Variants in PTPRF observed in about 807,000 individuals in gnomAD.
PTPRF encodes the protein receptor-type tyrosine-protein phosphatase F.
PTPRF carries 59 observed loss-of-function variants against 201.8 expected under a neutral mutation model. The ratio of observed to expected loss-of-function variants is 0.29; its 90% CI spans 0.24 to 0.36. The LOEUF is 0.36. Among genes scored for constraint, PTPRF ranks in the 10% least tolerant of loss-of-function variants. The pLI is 1.00. For synonymous variants in PTPRF, 1,088 were observed against 1,089.7 expected (o/e 1.00, Z 0.03); for missense variants, 2,132 against 2,690.5 (o/e 0.79, Z 4.59).
At chr1:43,612,451 A>T (rs1268388049) in intron 22 of PTPRF, among the ~76,000 whole-genome samples, 1 of 152,190 alleles carries the variant, frequency 6.6e-6, no homozygotes, top group Non-Finnish European at 1.5e-5. Flanking sequence ...TTTTGGTATC[A>T]AAAGGGGCAG....
At chr1:43,612,577 A>T (rs906859314) in intron 22 of PTPRF, among the ~76,000 whole-genome samples, 1 of 152,174 alleles carries the variant, frequency 6.6e-6, no homozygotes, top group Non-Finnish European at 1.5e-5. Flanking sequence ...ACTGGGAGAC[A>T]GAAGGAGCCT....
chr1:43,538,751 C>T (rs137972069), intron 2 of PTPRF, among the ~76,000 whole-genome samples: 5 of 152,248 alleles, frequency 3.3e-5, no homozygotes, highest in East Asian at 1.9e-4. Flanking sequence ...TGTAGGTTGT[C>T]GTAGAAAGAG....
intron 1 of PTPRF, among the ~76,000 whole-genome samples, chr1:43,533,245 T>C (rs1379411986): frequency 6.6e-6 from 1 of 152,158 alleles, no homozygotes; most frequent in Non-Finnish European, 1.5e-5. Flanking sequence ...TCCAGCTTTG[T>C]GTGCCCTGGG....
At chr1:43,580,057 C>G (rs991301749) in intron 7 of PTPRF, 2 of 120,646 alleles carry the variant, frequency 1.7e-5, no homozygotes, top group African/African-American at 8.6e-5. Flanking sequence ...GAGCAAGACT[C>G]CATCTCAAAA....
chr1:43,597,823 C>T lies in PTPRF; in HGVS notation c.1889C>T (p.Pro630Leu), dbSNP rs763125381. ...ACGGTCCGGGTAAGTTGGGTCCCGC[C>T]GCCTGCCGACAGCCGCAACGGCGTT... ...STTVRVSWVP[P>L]PADSRNGVIT... is the part of the protein sequence containing the mutation. The change falls in exon 12 of 34, where the codon CCG (proline) becomes CTG (leucine). Residue 630 changes from proline to leucine, a missense_variant. Physicochemically the swap from Pro to Leu is moderately conservative, Grantham distance 98. Around this residue, in one of 6 missense-constraint regions of PTPRF, gnomAD observed 125 missense variants for 211.9 expected, o/e 0.59. Transcript: ENST00000359947. 14 of 1,607,710 alleles carry T rather than the reference C, an allele frequency of 8.7e-6. No individual in the cohort carries two copies. Among genetic ancestry groups the T allele is most frequent in the African/African-American group, 2.7e-5 (2 of 74,868 alleles).
intron 25 of PTPRF, 148 bp downstream of exon 25, chr1:43,618,059 C>T (rs1240914327): frequency 3.6e-6 from 3 of 831,142 alleles, no homozygotes; most frequent in Non-Finnish European, 5.5e-6. Flanking sequence ...TATTATGCTC[C>T]CCAAATACTG....
Position 43,589,129 on chromosome 1 carries a change from C to T in PTPRF, c.949+129C>T, listed in dbSNP as rs1183892831. On this transcript the variant is annotated intron_variant, in intron 8 of 33. Transcript: ENST00000359947. ...GATTCTTGCCCTTTCCTGGGTGTCC[C>T]TGCCCTGGGGTCCTCCAGCCCTTAG... is the stretch of plus-strand genomic sequence containing the variant. The T allele has an allele frequency of 2.5e-6, 3 of 1,179,688 alleles. No individual in the cohort carries two copies. In the East Asian group the frequency reaches 8.7e-5, roughly 34 times the overall value. The allele number at this position is 1,179,688 out of a possible 1,614,324, so 73.1% of individuals were successfully genotyped here.
Position 43,588,765 on chromosome 1 carries a change from C to T in PTPRF, c.714C>T (p.Pro238=), listed in dbSNP as rs1211354609. The T allele has an allele frequency of 6.2e-7, 1 of 1,613,900 alleles. No homozygotes were observed. The change falls in exon 8 of 34, where the codon CCC becomes CCT. Residue 238 remains proline, a synonymous_variant. Coordinates refer to ENST00000359947, the MANE Select transcript of PTPRF (RefSeq NM_002840.5). This position sits in a 1 kb window ranked among gnomAD's most constrained non-coding sequence, Gnocchi z 5.3. ...TGGCTCCTCGTTTCTCCATCCCTCCCAGCAGCCAGGAGGTGATGCCAGGCG... is the reference window on the plus strand; with the variant it reads ...TGGCTCCTCGTTTCTCCATCCCTCCTAGCAGCCAGGAGGTGATGCCAGGCG... ...RRVAPRFSIP[P]SSQEVMPGGS... is the part of the protein sequence containing the mutation.
chr1:43,604,219 C>T (rs367590916), intron 16 of PTPRF, 30 bp downstream of exon 16: 42 of 1,598,378 alleles, frequency 2.6e-5, no homozygotes, highest in Admixed American at 3.4e-5. Flanking sequence ...CATCCCTTCC[C>T]GAGTGTGGCT....
intron 11 of PTPRF, among the ~76,000 whole-genome samples, chr1:43,593,399 C>G (rs1332437788): frequency 6.6e-6 from 1 of 152,110 alleles, no homozygotes; most frequent in Non-Finnish European, 1.5e-5. Context: ...GTCTCGGTAG[C>G]CCCCCAGACA....
intron 30 of PTPRF, 27 bp downstream of exon 30, chr1:43,620,248 C>T (rs1557879041): frequency 6.2e-7 from 1 of 1,611,850 alleles, no homozygotes; most frequent in African/African-American, 1.3e-5. Flanking sequence ...CCCCAGGGCC[C>T]CTGTCATACC....
intron 6 of PTPRF, among the ~76,000 whole-genome samples, chr1:43,577,453 C>T (rs1251583207): frequency 1.3e-5 from 2 of 152,190 alleles, no homozygotes; most frequent in African/African-American, 4.8e-5. Context: ...TTGGTGGCCT[C>T]CCCTCTTCCT....
chr1:43,587,953 C>T (rs28640075), intron 7 of PTPRF, among the ~76,000 whole-genome samples: 2 of 147,092 alleles, frequency 1.4e-5, no homozygotes, highest in Admixed American at 6.9e-5. Flanking sequence ...CCAGGCACAG[C>T]CACAGCCACC....
chr1:43,538,440 C>T (rs1644161016), intron 2 of PTPRF, among the ~76,000 whole-genome samples, 163 bp downstream of exon 2: 1 of 152,004 alleles, frequency 6.6e-6, no homozygotes. Context: ...ATTGTGGAGG[C>T]CTGGACCAGG....
rs1044244341 is a variant in PTPRF, at chr1:43,619,194, G to C, written c.4638G>C (p.Val1546=). The C allele has an allele frequency of 5.0e-6, 7 of 1,413,426 alleles. No individual in the cohort carries two copies. The Admixed American group carries it at 5.6e-5, about 11-fold the overall frequency. 87.6% of individuals were successfully genotyped at this position (1,413,426 alleles called of 1,614,324 possible). ...CCCTAGACGCAGGGCCCATGGTGGT[G>C]CACTGCAGGTGAGAGGGTACAGTGC... ...CNPLDAGPMV[V]HCSAGVGRTG... The change falls in exon 27 of 34, where the codon GTG becomes GTC. Residue 1546 remains valine (V), a synonymous_variant. Coordinates refer to ENST00000359947, the MANE Select transcript of PTPRF (RefSeq NM_002840.5).
chr1:43,614,802 A>G (rs930575790), intron 23 of PTPRF, among the ~76,000 whole-genome samples: 1 of 152,180 alleles, frequency 6.6e-6, no homozygotes, highest in African/African-American at 2.4e-5. Flanking sequence ...CGTTGAGCCA[A>G]GGTCATGCCA....
intron 5 of PTPRF, among the ~76,000 whole-genome samples, chr1:43,567,326 T>A (rs896385661): frequency 2.5e-4 from 38 of 152,202 alleles, no homozygotes; most frequent in African/African-American, 8.4e-4. Context: ...ATCTCAGTCC[T>A]CTTCATTTCC....
intron 7 of PTPRF, among the ~76,000 whole-genome samples, chr1:43,585,643 G>A (rs773512227): frequency 1.3e-5 from 2 of 152,152 alleles, no homozygotes; most frequent in Non-Finnish European, 2.9e-5. Context: ...CCTGACAGCC[G>A]CAGGAGTTGG....
At chr1:43,551,268 G>A (rs948484142) in intron 3 of PTPRF, among the ~76,000 whole-genome samples, 6 of 152,020 alleles carry the variant, frequency 3.9e-5, no homozygotes, top group Non-Finnish European at 7.4e-5. Flanking sequence ...TCAAGTGTGG[G>A]GGAAGAGTGC....
Sources: gnomAD v4.1 joint callset for allele counts (sites outside exome capture counted in the v4.1 genomes callset) on GRCh38, gnomAD v4.1.1 for gene constraint, gnomAD v4.1.1 regional missense constraint, Gnocchi (gnomAD v3.1) non-coding constraint, MANE v1.5 for transcripts, NCBI Gene and HGNC (gene_info 2026-07-23, HGNC 2026-07-21) for gene names.